The following ZXDA variants were observed in gnomAD, a reference collection of about 807,000 sequenced individuals.
ZXDA encodes zinc finger X-linked protein ZXDA.
ZXDA carries 5 observed loss-of-function variants against 10.1 expected under a neutral mutation model. The observed-to-expected ratio is 0.50, with a 90% confidence interval of 0.26 to 1.04. The LOEUF (loss-of-function observed/expected upper bound fraction) is 1.04, where lower values mean the gene tolerates loss of function less well. ZXDA is among the 50% of genes least tolerant of loss of function. The probability of loss-of-function intolerance (pLI) is 0.14; values close to 1 mark genes in which losing one functional copy is unlikely to be tolerated. For missense variants in ZXDA, 501 were observed against 672.4 expected (o/e 0.75, Z 2.82); for synonymous variants, 266 against 313.1 (o/e 0.85, Z 1.59).
rs746880112 is a variant in ZXDA at position 57,909,601 on chromosome X, A to C, written c.820T>G (p.Cys274Gly). The change falls in exon 1 of 1, where the codon TGC (cysteine) becomes GGC (glycine). Residue 274 changes from cysteine (C) to glycine (G), a missense_variant. Coordinates refer to ENST00000358697, the MANE Select transcript of ZXDA (RefSeq NM_007156.5). The stretch of plus-strand genomic sequence containing the variant: ...TGCTTCTTGGCGAAGGTTTGCCCGC[A>C]CAGCGCCTCGGGGCACAGGTACAGC... ...VVLYLCPEALCGQTFAKKHQL... is the reference protein window; with the variant it reads ...VVLYLCPEALGGQTFAKKHQL... The C allele has an allele frequency of 9.1e-6, 11 of 1,204,347 alleles. No homozygotes were observed. The highest frequency in any genetic ancestry group is 1.2e-5 in the Non-Finnish European group (11 of 892,330).
rs3814295 is a variant in ZXDA, at chrX:57,905,964, C to T, written c.*2057G>A. On this transcript the variant is annotated 3_prime_UTR_variant, in exon 1 of 1. Coordinates refer to ENST00000358697, the MANE Select transcript of ZXDA (RefSeq NM_007156.5). ...CTATTTAAGAGGACTTAACTAATGA[C>T]AACACATTTCTAAAATGGCTTAAAA... is the stretch of plus-strand genomic sequence containing the variant. 0.017 allele frequency among the ~76,000 whole-genome samples: 1,960 copies of T among 112,003 alleles called. 103 individuals are homozygous for T. In the East Asian group the frequency reaches 0.24, roughly 14 times the overall value.
Position 57,909,853 on chromosome X carries a change from C to A in ZXDA, c.568G>T (p.Ala190Ser), listed in dbSNP as rs1401763869. Residue 190 changes from alanine to serine, a missense_variant, in exon 1 of 1, where the codon GCC (alanine) becomes TCC (serine). By Grantham distance (99) the Ala-to-Ser change is moderately conservative. This residue lies in a region of ZXDA where 251 missense variants were observed against 221.6 expected (regional missense o/e 1.13). Transcript: ENST00000358697. Reference sequence around the variant, plus strand: ...GCAGGAGCGGCCCCTGGCTCCCAGGCGTGTGGTGGGGGCGTGGCCAGGGTG... The same window carrying A: ...GCAGGAGCGGCCCCTGGCTCCCAGGAGTGTGGTGGGGGCGTGGCCAGGGTG... Reference protein sequence around the residue: ...VLTLATPPPHAWEPGAAPAQQ... With the variant: ...VLTLATPPPHSWEPGAAPAQQ... 4 of 1,199,022 alleles carry A rather than the reference C, an allele frequency of 3.3e-6. No individual in the cohort carries two copies. Among genetic ancestry groups the A allele is most frequent in the Non-Finnish European group, 3.4e-6 (3 of 891,346 alleles).
At position 57,910,136 on chromosome X, in the gene ZXDA, C is replaced by T. The variant is rs752616506; in HGVS notation, c.285G>A (p.Pro95=). The T allele has an allele frequency of 9.2e-6, 11 of 1,200,100 alleles. No individual in the cohort carries two copies. The highest frequency in any genetic ancestry group is 1.8e-5 in the African/African-American group (1 of 56,622). ...CCGCGGTCTCCACGTCGCCACCCAC[C>T]GGGTCAAGCAGCACCAGGAAGAAGT... ...GDDFFLVLLD[P]VGGDVETAGS... Residue 95 remains proline, a synonymous_variant, in exon 1 of 1, where the codon CCG becomes CCA. Coordinates refer to ENST00000358697, the MANE Select transcript of ZXDA (RefSeq NM_007156.5).
chrX:57,908,935 G>A lies in ZXDA; in HGVS notation c.1486C>T (p.His496Tyr). 1 of 1,211,570 alleles carries A rather than the reference G, an allele frequency of 8.3e-7. No individual in the cohort carries two copies. Among genetic ancestry groups the A allele is most frequent in the Non-Finnish European group, 1.1e-6 (1 of 895,455 alleles). ...TGGGTAATGCTGTGGCCTTTCAGAT[G>A]TTCGGCCCTCGTGAAAGATTTCCCA... is the stretch of plus-strand genomic sequence containing the variant. The part of the protein sequence containing the change: ...GCGKSFTRAE[H>Y]LKGHSITHLG... Residue 496 changes from histidine to tyrosine, a missense_variant, in exon 1 of 1, where the codon CAT becomes TAT. By Grantham distance (83) the His-to-Tyr change is moderately conservative. Around this residue, in one of 5 missense-constraint regions of ZXDA, gnomAD observed 171 missense variants for 262.7 expected, o/e 0.65. Transcript: ENST00000358697.
Position 57,908,162 on chromosome X carries a change from C to T in ZXDA, c.2259G>A (p.Ala753=), listed in dbSNP as rs1187221693. The change falls in exon 1 of 1, where the codon GCG becomes GCA. Residue 753 remains alanine, a synonymous_variant. Coordinates refer to ENST00000358697, the MANE Select transcript of ZXDA (RefSeq NM_007156.5). ...SVSELLTPAK[A]EWSVHPNSDF... ...CAGAGTTAGGATGTACGCTCCACTC[C>T]GCTTTGGCTGGTGTCAGTAGTTCTG... The T allele has an allele frequency of 7.4e-6, 9 of 1,210,317 alleles. No homozygotes were observed. Among genetic ancestry groups the T allele is most frequent in the Middle Eastern group, 4.6e-4 (2 of 4,376 alleles).
rs1455855944 is a variant in ZXDA, at chrX:57,909,951, G to T, written c.470C>A (p.Pro157His). The T allele has an allele frequency of 4.3e-6, 5 of 1,162,873 alleles. No homozygotes were observed. In the African/African-American group the frequency reaches 9.0e-5, roughly 21 times the overall value. ...GACTGTGCCCGCGAAGGCCGCGGCG[G>T]GGCCGGGGGCGGAGATCGGGGCCGG... ...PTPAPISAPGPAAAFAGTVTI... is the reference protein window; with the variant it reads ...PTPAPISAPGHAAAFAGTVTI... Residue 157 changes from proline to histidine, a missense_variant, in exon 1 of 1, where the codon CCC becomes CAC. Transcript: ENST00000358697.
rs151072020 is a variant in ZXDA at position 57,910,186 on chromosome X, G to C, written c.235C>G (p.His79Asp). ...TCGTCGCCGCCGCCGCTAGGTTGAT[G>C]GGGCCTCGGCGCGAACAGGCTTGGG... ...PGPSLFAPRP[H>D]QPSGGGDDFF... is the part of the protein sequence containing the mutation. Residue 79 changes from histidine (H) to aspartate (D), a missense_variant, in exon 1 of 1, where the codon CAT becomes GAT. By Grantham distance (81) the His-to-Asp change is moderately conservative. Coordinates refer to ENST00000358697, the MANE Select transcript of ZXDA (RefSeq NM_007156.5). 1,204 of 1,198,698 alleles carry C rather than the reference G, an allele frequency of 1.0e-3. 4 individuals are homozygous for C. Among genetic ancestry groups the C allele is most frequent in the South Asian group, 2.8e-3 (160 of 56,336 alleles).
chrX:57,909,437 C>A lies in ZXDA; in HGVS notation c.984G>T (p.Arg328=). ...AGCCCTCCGCAGGGCAGCCGAAGGGCCGCAGTTTATCGTGCGACTGCAGGT... is the reference window on the plus strand; with the variant it reads ...AGCCCTCCGCAGGGCAGCCGAAGGGACGCAGTTTATCGTGCGACTGCAGGT... ...KRHLQSHDKL[R]PFGCPAEGCG... Residue 328 remains arginine, a synonymous_variant, in exon 1 of 1, where the codon CGG becomes CGT. Coordinates refer to ENST00000358697, the MANE Select transcript of ZXDA (RefSeq NM_007156.5). 4 of 1,212,106 alleles carry A rather than the reference C, an allele frequency of 3.3e-6. No homozygotes were observed. The highest frequency in any genetic ancestry group is 4.5e-6 in the Non-Finnish European group (4 of 895,610).
In ZXDA at chrX:57,907,340, A is replaced by G. The variant is rs1193200108; in HGVS notation, c.*681T>C. The stretch of plus-strand genomic sequence containing the variant: ...ATGTTCACATTGCTATGACCATTTT[A>G]CAGATAGAAAACTGAGGCTAAGAGA... On this transcript the variant is annotated 3_prime_UTR_variant, in exon 1 of 1. Coordinates refer to ENST00000358697, the MANE Select transcript of ZXDA (RefSeq NM_007156.5). 6.2e-5 allele frequency: 7 copies of G among 112,420 alleles called. No individual in the cohort carries two copies. The highest frequency in any genetic ancestry group is 2.3e-4 in the African/African-American group (7 of 30,869). The allele number at this position is 112,420 out of a possible 1,213,427, so 9.3% of individuals were successfully genotyped here.
rs1474330555 is a variant in ZXDA, at chrX:57,910,382, T to C, written c.39A>G (p.Leu13=). Residue 13 remains leucine, a synonymous_variant, in exon 1 of 1, where the codon CTA becomes CTG. Transcript: ENST00000358697. ...GGATACCGCCGCCGCCGCCGCCCTG[T>C]AGTGTCCCGCGAGCCGGGAGCAGCT... The part of the protein sequence containing the change: ...IPKLLPARGT[L]QGGGGGGIPA... 2.0e-6 allele frequency: 2 copies of C among 1,024,137 alleles called. No individual in the cohort carries two copies. 84.4% of individuals were successfully genotyped at this position (1,024,137 alleles called of 1,213,427 possible). A position where few individuals can be genotyped will look rare whatever the true frequency, so the allele number is the denominator to read the frequency against.
chrX:57,909,630 A>T lies in ZXDA; in HGVS notation c.791T>A (p.Val264Glu), dbSNP rs1035842186. ...PRGLLGSGPG[V>E]VLYLCPEALC... ...CGCCTCGGGGCACAGGTACAGCACCACGCCTGGACCAGAGCCCAGCAGTCC... is the reference window on the plus strand; with the variant it reads ...CGCCTCGGGGCACAGGTACAGCACCTCGCCTGGACCAGAGCCCAGCAGTCC... The change falls in exon 1 of 1, where the codon GTG becomes GAG. Residue 264 changes from valine to glutamate, a missense_variant. Physicochemically the swap from Val to Glu is moderately radical, Grantham distance 121. Coordinates refer to ENST00000358697, the MANE Select transcript of ZXDA (RefSeq NM_007156.5). 4.1e-5 allele frequency: 49 copies of T among 1,198,021 alleles called. No homozygotes were observed. Among genetic ancestry groups the T allele is most frequent in the Non-Finnish European group, 5.3e-5 (47 of 889,498 alleles).
rs2014362547 is a variant in ZXDA, at chrX:57,906,264, T to G, written c.*1757A>C. ...ATAGTGTTTGCTACCAGGACCACACTGTAAAAAAGGAAAAGTAGAACTACT... is the reference window on the plus strand; with the variant it reads ...ATAGTGTTTGCTACCAGGACCACACGGTAAAAAAGGAAAAGTAGAACTACT... On this transcript the variant is annotated 3_prime_UTR_variant, in exon 1 of 1. Transcript: ENST00000358697. 1.8e-5 allele frequency among the ~76,000 whole-genome samples: 2 copies of G among 112,176 alleles called. No individual in the cohort carries two copies. Among genetic ancestry groups the G allele is most frequent in the African/African-American group, 6.5e-5 (2 of 30,877 alleles).
At position 57,906,289 on chromosome X, in the gene ZXDA, T is replaced by G. The variant is rs911648547; in HGVS notation, c.*1732A>C. On this transcript the variant is annotated 3_prime_UTR_variant, in exon 1 of 1. Transcript: ENST00000358697. Reference sequence around the variant, plus strand: ...TGTAAAAAAGGAAAAGTAGAACTACTTCTCACTAACACCTTATATAAAATG... The same window carrying G: ...TGTAAAAAAGGAAAAGTAGAACTACGTCTCACTAACACCTTATATAAAATG... Among the ~76,000 whole-genome samples, 8 of 112,310 alleles carry G rather than the reference T, an allele frequency of 7.1e-5. No homozygotes were observed. The highest frequency in any genetic ancestry group is 1.3e-4 in the Non-Finnish European group (7 of 53,209).
Position 57,909,435 on chromosome X carries a change from G to A in ZXDA, c.986C>T (p.Pro329Leu), listed in dbSNP as rs1352791927. The part of the protein sequence containing the change: ...RHLQSHDKLR[P>L]FGCPAEGCGK... ...ACAGCCCTCCGCAGGGCAGCCGAAG[G>A]GCCGCAGTTTATCGTGCGACTGCAG... Residue 329 changes from proline (P) to leucine (L), a missense_variant, in exon 1 of 1, where the codon CCC becomes CTC. Pro to Leu is a moderately conservative substitution (Grantham distance 98, BLOSUM62 -3). This residue lies in a region of ZXDA where 171 missense variants were observed against 262.7 expected (regional missense o/e 0.65). Transcript: ENST00000358697. 1 of 1,210,611 alleles carries A rather than the reference G, an allele frequency of 8.3e-7. No individual in the cohort carries two copies. The highest frequency in any genetic ancestry group is 2.2e-5 in the Admixed American group (1 of 45,962).
At position 57,909,610 on chromosome X, in the gene ZXDA, C is replaced by T. The variant is rs1271836696; in HGVS notation, c.811G>A (p.Glu271Lys). The change falls in exon 1 of 1, where the codon GAG (glutamate) becomes AAG (lysine). Residue 271 changes from glutamate (E) to lysine (K), a missense_variant. This residue lies in a region of ZXDA where 251 missense variants were observed against 221.6 expected (regional missense o/e 1.13). Coordinates refer to ENST00000358697, the MANE Select transcript of ZXDA (RefSeq NM_007156.5). ...GCGAAGGTTTGCCCGCACAGCGCCT[C>T]GGGGCACAGGTACAGCACCACGCCT... ...GPGVVLYLCP[E>K]ALCGQTFAKK... 5.8e-6 allele frequency: 7 copies of T among 1,201,990 alleles called. No homozygotes were observed. Among genetic ancestry groups the T allele is most frequent in the East Asian group, 6.0e-5 (2 of 33,453 alleles).
Position 57,909,420 on chromosome X carries a change from G to A in ZXDA, c.1001C>T (p.Ala334Val), listed in dbSNP as rs1345795692. The A allele has an allele frequency of 8.3e-7, 1 of 1,211,884 alleles. No homozygotes were observed. Among genetic ancestry groups the A allele is most frequent in the South Asian group, 1.8e-5 (1 of 56,994 alleles). Residue 334 changes from alanine to valine, a missense_variant, in exon 1 of 1, where the codon GCG (alanine) becomes GTG (valine). This residue lies in a region of ZXDA where 171 missense variants were observed against 262.7 expected (regional missense o/e 0.65). Coordinates refer to ENST00000358697, the MANE Select transcript of ZXDA (RefSeq NM_007156.5). ...HDKLRPFGCPAEGCGKSFTTV... is the reference protein window; with the variant it reads ...HDKLRPFGCPVEGCGKSFTTV... ...GGTGAAGCTCTTGCCACAGCCCTCCGCAGGGCAGCCGAAGGGCCGCAGTTT... is the reference window on the plus strand; with the variant it reads ...GGTGAAGCTCTTGCCACAGCCCTCCACAGGGCAGCCGAAGGGCCGCAGTTT...
rs2014415306 is a variant in ZXDA at position 57,910,268 on chromosome X, T to G, written c.153A>C (p.Gln51His). 5.5e-6 allele frequency: 6 copies of G among 1,098,879 alleles called. No homozygotes were observed. The highest frequency in any genetic ancestry group is 7.1e-6 in the Non-Finnish European group (6 of 847,595). The allele number at this position is 1,098,879 out of a possible 1,213,427, so 90.6% of individuals were successfully genotyped here. A position where few individuals can be genotyped will look rare whatever the true frequency, so the allele number is the denominator to read the frequency against. ...CGCGCCGCCGCCCGGGCCCGCCATC[T>G]TGGGGGCCCCGGGGCAGCAGGAGGC... ...TRRLLLPRGPQDGGPGRRREE... is the reference protein window; with the variant it reads ...TRRLLLPRGPHDGGPGRRREE... Residue 51 changes from glutamine (Q) to histidine (H), a missense_variant, in exon 1 of 1, where the codon CAA becomes CAC. Around this residue, in one of 5 missense-constraint regions of ZXDA, gnomAD observed 251 missense variants for 221.6 expected, o/e 1.13. Transcript: ENST00000358697.
Position 57,909,773 on chromosome X carries a change from G to C in ZXDA, c.648C>G (p.His216Gln). ...ACCGCAGCTCTGGGCAGTCACCCGG[G>C]TGCGCGGCTTGCGGGAACCCAGCTT... ...APQAGFPQAA[H>Q]PGDCPELRSD... Residue 216 changes from histidine to glutamine, a missense_variant, in exon 1 of 1, where the codon CAC (histidine) becomes CAG (glutamine). His to Gln is a conservative substitution (Grantham distance 24, BLOSUM62 0). Around this residue, in one of 5 missense-constraint regions of ZXDA, gnomAD observed 251 missense variants for 221.6 expected, o/e 1.13. Coordinates refer to ENST00000358697, the MANE Select transcript of ZXDA (RefSeq NM_007156.5). 1 of 1,198,414 alleles carries C rather than the reference G, an allele frequency of 8.3e-7. No individual in the cohort carries two copies. Among genetic ancestry groups the C allele is most frequent in the Non-Finnish European group, 1.1e-6 (1 of 889,871 alleles).
chrX:57,909,709 C>G lies in ZXDA; in HGVS notation c.712G>C (p.Ala238Pro). Residue 238 changes from alanine to proline, a missense_variant, in exon 1 of 1, where the codon GCT (alanine) becomes CCT (proline). Transcript: ENST00000358697. The stretch of plus-strand genomic sequence containing the variant: ...TCCGCCTCCTCCTGGGGCGCCGGAG[C>G]AGGCGCGGGTTCTGCGGGCTCGGCT... ...LLAEPAEPAP[A>P]PAPQEEAEGL... The G allele has an allele frequency of 1.7e-6, 2 of 1,181,384 alleles. No individual in the cohort carries two copies. Among genetic ancestry groups the G allele is most frequent in the Non-Finnish European group, 2.3e-6 (2 of 881,035 alleles).
Sources: gnomAD v4.1 joint callset for allele counts (sites outside exome capture counted in the v4.1 genomes callset) on GRCh38, gnomAD v4.1.1 for gene constraint, gnomAD v4.1.1 regional missense constraint, MANE v1.5 for transcripts, NCBI Gene and HGNC (gene_info 2026-07-23, HGNC 2026-07-21) for gene names.